ACACA: variants seen among roughly 807,000 people sequenced by gnomAD.
The protein encoded by ACACA is acetyl-CoA carboxylase 1.
A neutral mutation model predicts 296.1 loss-of-function variants in ACACA; 103 were observed. That is an observed-to-expected ratio of 0.35 (90% confidence interval 0.30 to 0.41). The LOEUF is 0.41. Ranked by LOEUF, ACACA falls within the 10% of genes least tolerant of loss-of-function variation. The pLI, the probability that ACACA is intolerant of heterozygous loss-of-function variation, is 1.00. For missense variants in ACACA, 1,554 were observed against 2,989.7 expected (o/e 0.52, Z 11.20); for synonymous variants, 953 against 1,038.6 (o/e 0.92, Z 1.58).
intron 52 of ACACA, among the ~76,000 whole-genome samples, chr17:37,105,904 G>A (rs555778112): frequency 1.3e-5 from 2 of 151,340 alleles, no homozygotes; most frequent in African/African-American, 4.8e-5. Context: ...AAAGCAATTT[G>A]CTTTGAATGG....
chr17:37,350,564 G>A (rs1000902840), intron 1 of ACACA, among the ~76,000 whole-genome samples: 18 of 152,166 alleles, frequency 1.2e-4, no homozygotes, highest in Non-Finnish European at 1.9e-4. Context: ...TTCGGGCTGG[G>A]CGTGGTGGTT....
intron 1 of ACACA, among the ~76,000 whole-genome samples, chr17:37,350,390 C>T (rs2048845037): frequency 6.6e-6 from 1 of 150,930 alleles, no homozygotes; most frequent in Non-Finnish European, 1.5e-5. Context: ...TGTGGTGGCA[C>T]ATGCCTGTAG....
intron 1 of ACACA, chr17:37,388,011 A>T (rs978294025): frequency 2.0e-5 from 3 of 152,240 alleles, no homozygotes; most frequent in South Asian, 2.1e-4. Flanking sequence ...AAAAAATTTT[A>T]AAAATTAGCC....
chr17:37,365,566 C>T (rs771259455), intron 1 of ACACA: 4 of 985,430 alleles, frequency 4.1e-6, no homozygotes, highest in Non-Finnish European at 4.8e-6. Context: ...AAAGTCAGTG[C>T]CTTGCCCACA....
intron 54 of ACACA, among the ~76,000 whole-genome samples, chr17:37,093,073 C>T (rs1366062809): frequency 1.3e-5 from 2 of 152,188 alleles, no homozygotes; most frequent in South Asian, 2.1e-4. Flanking sequence ...CCAGGTTCTA[C>T]CTTACCTCCT....
intron 3 of ACACA, among the ~76,000 whole-genome samples, chr17:37,326,457 G>T (rs2147182112): frequency 6.6e-6 from 1 of 152,110 alleles, no homozygotes; most frequent in South Asian, 2.1e-4. Flanking sequence ...CTTGAACCCG[G>T]GAGGCAGAGG....
intron 45 of ACACA, among the ~76,000 whole-genome samples, chr17:37,137,908 T>C (rs773366463): frequency 2.0e-5 from 3 of 152,230 alleles, no homozygotes; most frequent in Non-Finnish European, 2.9e-5. Context: ...AAAAGTTGAT[T>C]ACATGTTCCA....
intron 52 of ACACA, among the ~76,000 whole-genome samples, chr17:37,105,898 C>G (rs1210071784): frequency 2.7e-5 from 4 of 150,892 alleles, no homozygotes; most frequent in Admixed American, 2.0e-4. Context: ...AGAAAGAAAG[C>G]AATTTGCTTT....
chr17:37,310,611 T>G (rs914439080), intron 3 of ACACA, among the ~76,000 whole-genome samples: 13 of 151,576 alleles, frequency 8.6e-5, no homozygotes, highest in Non-Finnish European at 1.5e-4. Context: ...CTGGACAACA[T>G]GGTGAAACCC....
intron 35 of ACACA, 83 bp from the exon 36 acceptor site, chr17:37,193,498 A>T: frequency 9.1e-7 from 1 of 1,093,162 alleles, no homozygotes; most frequent in South Asian, 1.3e-5. Context: ...ACAGTTAAGC[A>T]TTTAGAAGAC....
chr17:37,286,132 C>T (rs1231972621), intron 3 of ACACA, among the ~76,000 whole-genome samples: 3 of 152,100 alleles, frequency 2.0e-5, no homozygotes, highest in East Asian at 1.9e-4. Context: ...TCAGGTGATC[C>T]GCCCACCTCG....
intron 20 of ACACA, 53 bp from the exon 21 acceptor site, chr17:37,244,787 A>G: frequency 6.2e-7 from 1 of 1,608,390 alleles, no homozygotes; most frequent in Non-Finnish European, 8.5e-7. Flanking sequence ...TCTAAGGTAC[A>G]AACACACCAC....
chr17:37,390,330 A>ATATATCTATATATCTATATATC (rs1386032855), intron 1 of ACACA, among the ~76,000 whole-genome samples: 450 of 41,580 alleles, frequency 0.011, 23 homozygotes, highest in East Asian at 0.025. Flanking sequence ...ATATATATAT[A>ATATATCTATATATCTATATATC]TATAAAAGGC....
Position 37,097,872 on chromosome 17 carries a change from C to T in ACACA, c.6678G>A (p.Leu2226=), listed in dbSNP as rs1232797365. 1.9e-6 allele frequency: 3 copies of T among 1,614,100 alleles called. No homozygotes were observed. Among genetic ancestry groups the T allele is most frequent in the Non-Finnish European group, 1.7e-6 (2 of 1,180,050 alleles). ...YHQVAVQFAD[L]HDTPGRMQEK... ...CCTGCATCCGGCCTGGTGTGTCGTG[C>T]AAGTCAGCAAACTGCACGGCTACCT... is the stretch of plus-strand genomic sequence containing the variant. Residue 2226 remains leucine, a synonymous_variant, in exon 53 of 56, where the codon TTG becomes TTA. Coordinates refer to ENST00000616317, the MANE Select transcript of ACACA (RefSeq NM_198834.3). This position sits in a 1 kb window ranked among gnomAD's most constrained non-coding sequence, Gnocchi z 4.8.
At position 37,140,372 on chromosome 17, in the gene ACACA, AT is replaced by A. The variant is rs1237774110; in HGVS notation, c.5679+9491del. On this transcript the variant is annotated intron_variant, in intron 45 of 55. Coordinates refer to ENST00000616317, the MANE Select transcript of ACACA (RefSeq NM_198834.3). ...TAATTTTATATATCACTAATATGTA[AT>A]TTTATATATAATACCCTAATACGCA... Among the ~76,000 whole-genome samples, 21 of 152,214 alleles carry A rather than the reference AT, an allele frequency of 1.4e-4. No homozygotes were observed. The East Asian group carries it at 4.1e-3, about 29-fold the overall frequency.
intron 33 of ACACA, among the ~76,000 whole-genome samples, chr17:37,204,424 T>C (rs2145342192): frequency 6.6e-6 from 1 of 152,336 alleles, no homozygotes; most frequent in East Asian, 1.9e-4. Flanking sequence ...GGGGTCTTAA[T>C]TTCTCTGAGC....
chr17:37,320,613 G>T lies in ACACA; in HGVS notation c.338+9560C>A, dbSNP rs73282825. On this transcript the variant is annotated intron_variant, in intron 3 of 55. Coordinates refer to ENST00000616317, the MANE Select transcript of ACACA (RefSeq NM_198834.3). ...TCAATACCCAAGCTGGCCACCTTGG[G>T]CATGTTATTTAATTTATGTCTCAAT... Among the ~76,000 whole-genome samples the T allele has an allele frequency of 6.2e-3, 938 of 152,000 alleles. 10 individuals carry two copies. Among genetic ancestry groups the T allele is most frequent in the African/African-American group, 0.022 (903 of 41,444 alleles).
chr17:37,277,637 G>GC (rs1198575619), intron 6 of ACACA, among the ~76,000 whole-genome samples: 1 of 152,186 alleles, frequency 6.6e-6, no homozygotes, highest in African/African-American at 2.4e-5. Context: ...ATTTTTACTG[G>GC]CTCAAAGGTG....
At chr17:37,165,675 AT>A (rs61254387) in intron 41 of ACACA, among the ~76,000 whole-genome samples, 1,667 of 139,608 alleles carry the variant, frequency 0.012, 15 homozygotes, top group African/African-American at 0.036. Flanking sequence ...TGTGTAGAGA[AT>A]TTTTTTTTTT....
Sources: gnomAD v4.1 joint callset for allele counts (sites outside exome capture counted in the v4.1 genomes callset) on GRCh38, gnomAD v4.1.1 for gene constraint, Gnocchi (gnomAD v3.1) non-coding constraint, MANE v1.5 for transcripts, NCBI Gene and HGNC (gene_info 2026-07-23, HGNC 2026-07-21) for gene names.